The following ZFYVE21 variants were observed in gnomAD, a reference collection of about 807,000 sequenced individuals.
ZFYVE21 encodes zinc finger FYVE-type containing 21.
A neutral mutation model predicts 29.5 loss-of-function variants in ZFYVE21; 21 were observed. The observed-to-expected ratio is 0.71, with a 90% CI of 0.50 to 1.02. ZFYVE21 has a LOEUF of 1.02. Among genes scored for constraint, ZFYVE21 ranks in the 50% least tolerant of loss-of-function variants. The pLI, the probability that ZFYVE21 is intolerant of heterozygous loss-of-function variation, is 0.00. For missense variants in ZFYVE21, 326 were observed against 335.4 expected (o/e 0.97, Z 0.22); for synonymous variants, 151 against 133.8 (o/e 1.13, Z -0.89).
At chr14:103,721,345 T>C (rs989601504) in intron 1 of ZFYVE21, among the ~76,000 whole-genome samples, 1 of 152,240 alleles carries the variant, frequency 6.6e-6, no homozygotes, top group Non-Finnish European at 1.5e-5. Flanking sequence ...GCCGTCTGCA[T>C]GCACCTGCCC....
At chr14:103,730,040 C>T in intron 5 of ZFYVE21, 1 of 629,634 alleles carries the variant, frequency 1.6e-6, no homozygotes, top group South Asian at 2.1e-5. Context: ...GATACCGCAG[C>T]AGATGTACTT....
At chr14:103,728,503 C>T (rs936979994) in intron 3 of ZFYVE21, among the ~76,000 whole-genome samples, 3 of 152,208 alleles carry the variant, frequency 2.0e-5, no homozygotes, top group African/African-American at 7.2e-5. Context: ...CTGTGTGAAA[C>T]GGGCATGGTC....
At chr14:103,718,654 G>A (rs560785220) in intron 1 of ZFYVE21, among the ~76,000 whole-genome samples, 77 of 152,340 alleles carry the variant, frequency 5.1e-4, no homozygotes, top group Non-Finnish European at 9.0e-4. Flanking sequence ...ACTGACGCAA[G>A]GCAGTGGGCT....
intron 2 of ZFYVE21, 175 bp downstream of exon 2, chr14:103,727,017 C>T: frequency 1.7e-6 from 1 of 595,394 alleles, no homozygotes; most frequent in Non-Finnish European, 2.9e-6. Context: ...TCCATCTCGG[C>T]TCACTGCAAC....
Position 103,732,952 on chromosome 14 carries a change from C to CCT in ZFYVE21, c.670-29_670-28dup, listed in dbSNP as rs757001523. On this transcript the variant is annotated intron_variant, in intron 6 of 6. Coordinates refer to ENST00000311141, the MANE Select transcript of ZFYVE21 (RefSeq NM_024071.4). ...TCCACCAGGCACAGGACCAAGCAGGCCTCACTGTGTTGATCTTGTCTGATC... is the reference window on the plus strand; with the variant it reads ...TCCACCAGGCACAGGACCAAGCAGGCCTCTCACTGTGTTGATCTTGTCTGATC... 9.1e-4 allele frequency: 1,471 copies of CCT among 1,614,116 alleles called. 1 individual carries two copies. The highest frequency in any genetic ancestry group is 1.1e-3 in the Non-Finnish European group (1,322 of 1,180,022).
In ZFYVE21 at chr14:103,721,393, C is replaced by T. The variant is rs114889975; in HGVS notation, c.139-5399C>T. ...CCTCTTGGCCCCGCTTCCCTTGAGA[C>T]AGCTCCTTCTGTGTCCATATAGCTT... On this transcript the variant is annotated intron_variant, in intron 1 of 6. Transcript: ENST00000311141. Among the ~76,000 whole-genome samples the T allele has an allele frequency of 7.6e-3, 1,158 of 152,356 alleles. 14 individuals are homozygous for T. The highest frequency in any genetic ancestry group is 0.025 in the African/African-American group (1,021 of 41,592).
chr14:103,732,712 G>A lies in ZFYVE21; in HGVS notation c.619G>A (p.Val207Met), dbSNP rs761826348. 18 of 1,613,596 alleles carry A rather than the reference G, an allele frequency of 1.1e-5. No individual in the cohort carries two copies. In the Admixed American group the frequency reaches 1.5e-4, roughly 13 times the overall value. The change falls in exon 6 of 7, where the codon GTG becomes ATG. Residue 207 changes from valine (V) to methionine (M), a missense_variant. Val to Met is a conservative substitution (Grantham distance 21, BLOSUM62 1). Coordinates refer to ENST00000311141, the MANE Select transcript of ZFYVE21 (RefSeq NM_024071.4). ...GCTGAAGCTGACAGTGGTGGAGGAC[G>A]TGACTGTGGGCAGGAGGCAGGCGGT... Reference protein sequence around the residue: ...TQLKLTVVEDVTVGRRQAVAW... With the variant: ...TQLKLTVVEDMTVGRRQAVAW...
At chr14:103,721,206 G>A (rs1274739757) in intron 1 of ZFYVE21, among the ~76,000 whole-genome samples, 1 of 152,130 alleles carries the variant, frequency 6.6e-6, no homozygotes, top group Admixed American at 6.5e-5. Context: ...GACCGCCTCC[G>A]AGCATGTCAT....
At position 103,727,771 on chromosome 14, in the gene ZFYVE21, G is replaced by A. The variant is rs1445921158; in HGVS notation, c.215G>A (p.Cys72Tyr). Reference sequence around the variant, plus strand: ...CACCACTGTCGCCGCTGCGGGAAGTGCTTCTGCGACAGGTGCTGCAGCCAG... The same window carrying A: ...CACCACTGTCGCCGCTGCGGGAAGTACTTCTGCGACAGGTGCTGCAGCCAG... ...RKHHCRRCGK[C>Y]FCDRCCSQKV... is the part of the protein sequence containing the mutation. Residue 72 changes from cysteine (C) to tyrosine (Y), a missense_variant, in exon 3 of 7, where the codon TGC becomes TAC. Physicochemically the swap from Cys to Tyr is radical, Grantham distance 194. Transcript: ENST00000311141. The A allele has an allele frequency of 6.2e-7, 1 of 1,610,632 alleles. No individual in the cohort carries two copies. The highest frequency in any genetic ancestry group is 1.7e-5 in the Admixed American group (1 of 60,018).
intron 1 of ZFYVE21, 99 bp from the exon 2 acceptor site, chr14:103,726,693 A>G: frequency 7.0e-7 from 1 of 1,438,324 alleles, no homozygotes. Context: ...GTGCGTGGGG[A>G]GGTGGCAGGG....
chr14:103,727,176 C>G (rs1595691347), intron 2 of ZFYVE21: 4 of 351,840 alleles, frequency 1.1e-5, no homozygotes, highest in South Asian at 9.5e-5. Context: ...GAACTCCTGA[C>G]CTCAAATGAT....
chr14:103,721,365 C>G (rs2083870896), intron 1 of ZFYVE21, among the ~76,000 whole-genome samples: 1 of 152,256 alleles, frequency 6.6e-6, no homozygotes, highest in Non-Finnish European at 1.5e-5. Flanking sequence ...CTGATCCTCG[C>G]TCCCTCTTGG....
chr14:103,729,136 A>G lies in ZFYVE21; in HGVS notation c.480A>G (p.Val160=). ...DGDSHYEIEI[V]HISTVQILTE... ...ACAGCCACTATGAAATCGAAATTGT[A>G]CACATTTCCACCGTGCAGATCCTCA... Residue 160 remains valine, a synonymous_variant, in exon 5 of 7, where the codon GTA becomes GTG. Coordinates refer to ENST00000311141, the MANE Select transcript of ZFYVE21 (RefSeq NM_024071.4). 2 of 1,614,076 alleles carry G rather than the reference A, an allele frequency of 1.2e-6. No individual in the cohort carries two copies. Among genetic ancestry groups the G allele is most frequent in the Non-Finnish European group, 1.7e-6 (2 of 1,180,016 alleles).
rs1215675982 is a variant in ZFYVE21, at chr14:103,716,683, G to C, written c.138+704G>C. Among the ~76,000 whole-genome samples the C allele has an allele frequency of 6.6e-6, 1 of 152,222 alleles. No homozygotes were observed. The highest frequency in any genetic ancestry group is 1.5e-5 in the Non-Finnish European group (1 of 68,034). ...TCCCATGGGCCCAGACACGGCAGGA[G>C]TTGCCCAGGCCACTCCTGCAGACAT... On this transcript the variant is annotated intron_variant, in intron 1 of 6. Transcript: ENST00000311141. The surrounding 1 kb of genome is among the most constrained non-coding windows in gnomAD (Gnocchi z 4.8).
Position 103,729,674 on chromosome 14 carries a change from G to A in ZFYVE21, c.526+492G>A, listed in dbSNP as rs539164850. The A allele has an allele frequency of 8.7e-5, 112 of 1,287,468 alleles. 1 individual carries two copies. Among genetic ancestry groups the A allele is most frequent in the Non-Finnish European group, 1.1e-4 (100 of 936,994 alleles). 79.8% of individuals were successfully genotyped at this position (1,287,468 alleles called of 1,614,324 possible). ...TCTGCTGACGGGGAGCTCGCATCCC[G>A]TTATCTGCAAACTGTGCTGACAGAT... is the stretch of plus-strand genomic sequence containing the variant. On this transcript the variant is annotated intron_variant, in intron 5 of 6. Coordinates refer to ENST00000311141, the MANE Select transcript of ZFYVE21 (RefSeq NM_024071.4).
chr14:103,716,040 G>C lies in ZFYVE21; in HGVS notation c.138+61G>C, dbSNP rs888356114. On this transcript the variant is annotated intron_variant, in intron 1 of 6. Transcript: ENST00000311141. This position sits in a 1 kb window ranked among gnomAD's most constrained non-coding sequence, Gnocchi z 4.8. ...CGCCCCGCCGCCCCGGCCCGGCCCCGCGGGCTTCCAGGCTCCCGCGACGAC... is the reference window on the plus strand; with the variant it reads ...CGCCCCGCCGCCCCGGCCCGGCCCCCCGGGCTTCCAGGCTCCCGCGACGAC... The C allele has an allele frequency of 1.1e-5, 13 of 1,173,606 alleles. No homozygotes were observed. The African/African-American group carries it at 1.9e-4, about 18-fold the overall frequency. The allele number at this position is 1,173,606 out of a possible 1,614,324, so 72.7% of individuals were successfully genotyped here. A position where few individuals can be genotyped will look rare whatever the true frequency, so the allele number is the denominator to read the frequency against.
intron 5 of ZFYVE21, 141 bp downstream of exon 5, chr14:103,729,323 C>G (rs1242451319): frequency 8.8e-6 from 7 of 797,620 alleles, no homozygotes; most frequent in Non-Finnish European, 9.9e-6. Flanking sequence ...TGCCTTTCCT[C>G]TTTCGCGGGG....
chr14:103,717,667 G>A (rs1318418972), intron 1 of ZFYVE21, among the ~76,000 whole-genome samples: 2 of 152,244 alleles, frequency 1.3e-5, no homozygotes, highest in Non-Finnish European at 2.9e-5. Flanking sequence ...GGCACCCCTC[G>A]TGGAAGAGAA....
At chr14:103,721,568 CG>C (rs2083872912) in intron 1 of ZFYVE21, among the ~76,000 whole-genome samples, 1 of 152,166 alleles carries the variant, frequency 6.6e-6, no homozygotes, top group Non-Finnish European at 1.5e-5. Context: ...ACTTGGGCCC[CG>C]CCGTCCATCC....
Sources: allele counts gnomAD v4.1 joint callset (sites outside exome capture counted in the v4.1 genomes callset), GRCh38; gene constraint gnomAD v4.1.1; non-coding constraint Gnocchi (gnomAD v3.1); transcripts MANE v1.5; gene names NCBI Gene and HGNC (gene_info 2026-07-23, HGNC 2026-07-21).